COL25A1: variants seen among roughly 807,000 people sequenced by gnomAD.
COL25A1 encodes collagen alpha-1(XXV) chain.
In COL25A1, 103 loss-of-function variants were observed where a neutral mutation model predicts 128.4. The ratio of observed to expected loss-of-function variants is 0.80; its 90% CI spans 0.68 to 0.94. COL25A1 has a LOEUF of 0.94. Ranked by LOEUF, COL25A1 falls within the 40% of genes least tolerant of loss-of-function variation. The pLI is 0.00. For missense variants in COL25A1, 745 were observed against 840.0 expected (o/e 0.89, Z 1.40); for synonymous variants, 279 against 277.2 (o/e 1.01, Z -0.06).
Position 108,812,851 on chromosome 4 carries a change from T to C in COL25A1, c.*1076A>G, listed in dbSNP as rs953378507. The C allele has an allele frequency of 2.0e-5, 3 of 152,150 alleles. No individual in the cohort carries two copies. Among genetic ancestry groups the C allele is most frequent in the African/African-American group, 7.2e-5 (3 of 41,450 alleles). The allele number at this position is 152,150 out of a possible 1,614,324, so 9.4% of individuals were successfully genotyped here. The stretch of plus-strand genomic sequence containing the variant: ...TTTTGGCTGATCCCTTCTCAGAACA[T>C]GTTATTTCTTCAGCAACCCAAGTTT... On this transcript the variant is annotated 3_prime_UTR_variant, in exon 38 of 38. Coordinates refer to ENST00000399132, the MANE Select transcript of COL25A1 (RefSeq NM_198721.4).
chr4:109,238,517 T>C (rs957286143), intron 3 of COL25A1, among the ~76,000 whole-genome samples: 1 of 152,062 alleles, frequency 6.6e-6, no homozygotes, highest in African/African-American at 2.4e-5. Flanking sequence ...AGACTAGTAT[T>C]AATGAACTTT....
At chr4:109,016,368 C>A (rs1319747143) in intron 5 of COL25A1, among the ~76,000 whole-genome samples, 1 of 152,230 alleles carries the variant, frequency 6.6e-6, no homozygotes, top group Non-Finnish European at 1.5e-5. Context: ...CCTGCAGGTG[C>A]CTCTTGGCAT....
intron 3 of COL25A1, among the ~76,000 whole-genome samples, chr4:109,073,636 C>G (rs765028874): frequency 2.6e-5 from 4 of 152,160 alleles, no homozygotes; most frequent in Non-Finnish European, 5.9e-5. Flanking sequence ...AATCAATGTT[C>G]CTCTACTCAT....
intron 3 of COL25A1, among the ~76,000 whole-genome samples, chr4:109,236,522 T>C (rs1327552924): frequency 6.6e-6 from 1 of 152,072 alleles, no homozygotes. Context: ...AATGGCCACT[T>C]TTCCATTCAA....
At chr4:109,275,406 C>T (rs944269781) in intron 3 of COL25A1, among the ~76,000 whole-genome samples, 3 of 152,096 alleles carry the variant, frequency 2.0e-5, no homozygotes, top group Non-Finnish European at 4.4e-5. Flanking sequence ...AGCTATTTTT[C>T]CCCAGAGGTT....
At chr4:108,845,277 A>G in intron 28 of COL25A1, 26 bp from the exon 29 acceptor site, 2 of 1,583,256 alleles carry the variant, frequency 1.3e-6, no homozygotes, top group South Asian at 2.2e-5. Context: ...AAGCAGAGTT[A>G]AGCAGGTAAA....
rs570344634 is a variant in COL25A1, at chr4:108,974,716, A to G, written c.439-157T>C. Among the ~76,000 whole-genome samples the G allele has an allele frequency of 2.4e-4, 37 of 152,388 alleles. No individual in the cohort carries two copies. The South Asian group carries it at 7.5e-3, about 31-fold the overall frequency. ...TTGGTTTCTAAACTATAATCATATT[A>G]GAATGTGAAACATATAACCATATAT... On this transcript the variant is annotated intron_variant, in intron 6 of 37. Transcript: ENST00000399132.
intron 3 of COL25A1, among the ~76,000 whole-genome samples, chr4:109,093,220 C>T (rs1055787438): frequency 1.3e-5 from 2 of 152,120 alleles, no homozygotes; most frequent in Non-Finnish European, 2.9e-5. Flanking sequence ...CTAAAAATCA[C>T]ATTATCTTTG....
intron 5 of COL25A1, among the ~76,000 whole-genome samples, chr4:109,019,373 C>CAAATATATATATATATATAT (rs1271683280): frequency 3.1e-5 from 1 of 31,906 alleles, no homozygotes; most frequent in African/African-American, 3.1e-4. Flanking sequence ...CACACACACA[C>CAAATATATATATATATATAT]ACATATATAT....
intron 13 of COL25A1, 126 bp from the exon 14 acceptor site, chr4:108,901,298 T>C: frequency 1.4e-6 from 1 of 691,596 alleles, no homozygotes. Context: ...ACTATTAGTT[T>C]AAATTCAAGT....
intron 11 of COL25A1, among the ~76,000 whole-genome samples, chr4:108,925,937 A>C (rs537482275): frequency 2.8e-4 from 42 of 152,302 alleles, no homozygotes; most frequent in Non-Finnish European, 4.9e-4. Flanking sequence ...ACTTCAGAAA[A>C]CAATTACGCA....
chr4:109,091,543 T>C (rs1056627705), intron 3 of COL25A1, among the ~76,000 whole-genome samples: 1 of 152,192 alleles, frequency 6.6e-6, no homozygotes, highest in African/African-American at 2.4e-5. Context: ...CTATCTAGCC[T>C]ATACTTTTAT....
intron 6 of COL25A1, among the ~76,000 whole-genome samples, chr4:108,994,067 C>T (rs755177101): frequency 2.3e-4 from 35 of 152,258 alleles, no homozygotes; most frequent in Non-Finnish European, 3.4e-4. Flanking sequence ...TTCTGCATTT[C>T]CAACTGAGGT....
intron 24 of COL25A1, among the ~76,000 whole-genome samples, chr4:108,856,761 G>C (rs1205189774): frequency 6.6e-6 from 1 of 152,032 alleles, no homozygotes; most frequent in Non-Finnish European, 1.5e-5. Flanking sequence ...ATGAGAAAAA[G>C]AAACAGAAGT....
intron 3 of COL25A1, among the ~76,000 whole-genome samples, chr4:109,255,137 C>T (rs1375879995): frequency 6.6e-6 from 1 of 152,048 alleles, no homozygotes; most frequent in East Asian, 1.9e-4. Flanking sequence ...TGAAAGTTTA[C>T]TTGATGGGAG....
intron 3 of COL25A1, among the ~76,000 whole-genome samples, chr4:109,089,418 A>G (rs1764706336): frequency 6.6e-6 from 1 of 152,144 alleles, no homozygotes; most frequent in African/African-American, 2.4e-5. Context: ...TGCTAGGTGG[A>G]GAATTAAAAA....
chr4:108,873,681 A>G (rs935910), intron 19 of COL25A1, among the ~76,000 whole-genome samples: 82,733 of 151,832 alleles, frequency 0.54, 23,804 homozygotes, highest in East Asian at 1. Context: ...TATACTCAAT[A>G]CTACTTCAAC....
chr4:108,975,970 A>G (rs1752393469), intron 6 of COL25A1, among the ~76,000 whole-genome samples: 1 of 152,148 alleles, frequency 6.6e-6, no homozygotes, highest in Admixed American at 6.5e-5. Context: ...AGATATATTT[A>G]CTGCAAATAT....
chr4:109,073,610 T>C (rs992903776), intron 3 of COL25A1, among the ~76,000 whole-genome samples: 1 of 152,242 alleles, frequency 6.6e-6, no homozygotes. Flanking sequence ...TTCATCTGTT[T>C]GTGTGGTCTA....
Sources: gnomAD v4.1 joint callset for allele counts (sites outside exome capture counted in the v4.1 genomes callset) on GRCh38, gnomAD v4.1.1 for gene constraint, MANE v1.5 for transcripts, NCBI Gene and HGNC (gene_info 2026-07-23, HGNC 2026-07-21) for gene names.